TEX11: variants seen among roughly 807,000 people sequenced by gnomAD.
TEX11 encodes testis-expressed protein 11.
TEX11 carries 7 observed loss-of-function variants against 84.4 expected under a neutral mutation model. The ratio of observed to expected loss-of-function variants is 0.08; its 90% CI spans 0.05 to 0.16. TEX11 has a LOEUF of 0.16. Ranked by LOEUF, TEX11 falls within the 10% of genes least tolerant of loss-of-function variation. The pLI, the probability that TEX11 is intolerant of heterozygous loss-of-function variation, is 1.00. For missense variants in TEX11, 551 were observed against 660.5 expected (o/e 0.83, Z 1.82); for synonymous variants, 264 against 222.8 (o/e 1.18, Z -1.64).
rs193300427 is a variant in TEX11, at chrX:70,803,070, C to T, written c.692+3635G>A. 3.3e-4 allele frequency among the ~76,000 whole-genome samples: 37 copies of T among 111,395 alleles called. No individual in the cohort carries two copies. In the Admixed American group the frequency reaches 3.4e-3, roughly 10 times the overall value. Reference sequence around the variant, plus strand: ...ACTTAGCCCTGCCTTCTGCCAGGAGCAGACATAGGAGCTCAGTACTGCAAG... The same window carrying T: ...ACTTAGCCCTGCCTTCTGCCAGGAGTAGACATAGGAGCTCAGTACTGCAAG... On this transcript the variant is annotated intron_variant, in intron 9 of 29. Coordinates refer to ENST00000374333, the MANE Select transcript of TEX11 (RefSeq NM_031276.3).
chrX:70,744,181 G>A lies in TEX11; in HGVS notation c.731C>T (p.Thr244Ile), dbSNP rs762957753. ...YDIGKMDKKSTGPEMLAKVLR... is the reference protein window; with the variant it reads ...YDIGKMDKKSIGPEMLAKVLR... ...GATCCTTACCAGCATTTCTGGCCCA[G>A]TAGATTTCTTATCCATCTTCCCAAT... Residue 244 changes from threonine to isoleucine, a missense_variant, in exon 10 of 30, where the codon ACT becomes ATT. Coordinates refer to ENST00000374333, the MANE Select transcript of TEX11 (RefSeq NM_031276.3). The A allele has an allele frequency of 1.9e-4, 201 of 1,043,583 alleles. No homozygotes were observed. In the Middle Eastern group the frequency reaches 3.2e-3, roughly 17 times the overall value. The allele number at this position is 1,043,583 out of a possible 1,213,427, so 86.0% of individuals were successfully genotyped here.
At chrX:70,781,932 G>C (rs2091041829) in intron 9 of TEX11, among the ~76,000 whole-genome samples, 1 of 111,320 alleles carries the variant, frequency 9.0e-6, no homozygotes, top group African/African-American at 3.3e-5. Context: ...ACCTAGCAAG[G>C]TAGGTGAACA....
intron 9 of TEX11, among the ~76,000 whole-genome samples, chrX:70,757,915 G>T (rs750384507): frequency 9.0e-6 from 1 of 111,285 alleles, no homozygotes; most frequent in East Asian, 2.8e-4. Flanking sequence ...CAAAATAAAG[G>T]GATGGAGGAA....
intron 28 of TEX11, among the ~76,000 whole-genome samples, chrX:70,548,019 C>A (rs1300095641): frequency 8.9e-6 from 1 of 111,844 alleles, no homozygotes; most frequent in African/African-American, 3.3e-5. Context: ...GGAACCAACC[C>A]AAATGTCCAG....
intron 16 of TEX11, among the ~76,000 whole-genome samples, chrX:70,669,491 C>T (rs1029216666): frequency 1.8e-5 from 2 of 112,532 alleles, no homozygotes; most frequent in African/African-American, 6.4e-5. Context: ...AAATGCTAGC[C>T]TGTACAACAT....
At chrX:70,528,620 C>T (rs745934406), downstream of TEX11, among the ~76,000 whole-genome samples, 1 of 110,896 alleles carries the variant, frequency 9.0e-6, no homozygotes, top group East Asian at 2.8e-4. Context: ...GCCACTACGC[C>T]TGGCCTGGAA....
rs141644785 is a variant in TEX11, at chrX:70,668,421, C to T, written c.1380+1956G>A. On this transcript the variant is annotated intron_variant, in intron 16 of 29. Coordinates refer to ENST00000374333, the MANE Select transcript of TEX11 (RefSeq NM_031276.3). ...TATTTTTTTCACCTTTCTGTCTGTCCTAGTGCATAAGAGGATATTCATTGT... is the reference window on the plus strand; with the variant it reads ...TATTTTTTTCACCTTTCTGTCTGTCTTAGTGCATAAGAGGATATTCATTGT... 7.6e-4 allele frequency among the ~76,000 whole-genome samples: 85 copies of T among 111,787 alleles called. No homozygotes were observed. The East Asian group carries it at 0.023, about 30-fold the overall frequency.
At chrX:70,739,953 G>A (rs770849806) in intron 11 of TEX11, among the ~76,000 whole-genome samples, 7 of 111,561 alleles carry the variant, frequency 6.3e-5, no homozygotes, top group South Asian at 3.8e-4. Flanking sequence ...CACCACGCCC[G>A]CTTTGTATTC....
At chrX:70,841,288 C>A (rs1326387398) in intron 7 of TEX11, among the ~76,000 whole-genome samples, 1 of 111,106 alleles carries the variant, frequency 9.0e-6, no homozygotes, top group African/African-American at 3.3e-5. Context: ...GTCTCTCAGA[C>A]CACAGTGCAA....
chrX:70,798,358 C>T (rs2091168248), intron 9 of TEX11, among the ~76,000 whole-genome samples: 1 of 111,174 alleles, frequency 9.0e-6, no homozygotes, highest in Non-Finnish European at 1.9e-5. Context: ...AATAAAGGGA[C>T]AGATATCCTG....
At chrX:70,581,359 C>T (rs1269774652) in intron 25 of TEX11, among the ~76,000 whole-genome samples, 2 of 94,899 alleles carry the variant, frequency 2.1e-5, no homozygotes, top group African/African-American at 8.0e-5. Flanking sequence ...AGTGCAGTGG[C>T]GTGATCTCGG....
At chrX:70,730,360 AT>A (rs2090636822) in intron 11 of TEX11, among the ~76,000 whole-genome samples, 1 of 111,928 alleles carries the variant, frequency 8.9e-6, no homozygotes, top group Non-Finnish European at 1.9e-5. Context: ...AGACTGGCAA[AT>A]TGGATAAAGA....
intron 17 of TEX11, among the ~76,000 whole-genome samples, chrX:70,649,658 C>T (rs2089789180): frequency 8.9e-6 from 1 of 111,804 alleles, no homozygotes; most frequent in African/African-American, 3.3e-5. Flanking sequence ...CCTGTAGTCC[C>T]AGCTATTCAG....
intron 16 of TEX11, among the ~76,000 whole-genome samples, chrX:70,659,452 A>G (rs1387337373): frequency 8.9e-6 from 1 of 112,283 alleles, no homozygotes; most frequent in Admixed American, 9.4e-5. Context: ...ACATGAAAAT[A>G]TGTTCAACAT....
rs765122511 is a variant in TEX11, at chrX:70,661,781, A to T, written c.1380+8596T>A. ...AGGGTCTGGAGTGGACCTCCAGCAA[A>T]CTCCAGCAGACCTGCAGCTGAGGGT... On this transcript the variant is annotated intron_variant, in intron 16 of 29. Coordinates refer to ENST00000374333, the MANE Select transcript of TEX11 (RefSeq NM_031276.3). Among the ~76,000 whole-genome samples, 61 of 111,690 alleles carry T rather than the reference A, an allele frequency of 5.5e-4. 1 individual carries two copies. The highest frequency in any genetic ancestry group is 4.6e-3 in the Middle Eastern group (1 of 219).
At chrX:70,541,476 G>T (rs767702947) in intron 28 of TEX11, among the ~76,000 whole-genome samples, 1 of 111,391 alleles carries the variant, frequency 9.0e-6, no homozygotes, top group African/African-American at 3.3e-5. Flanking sequence ...TTTTGTTATC[G>T]TTGGGGGAAA....
intron 17 of TEX11, among the ~76,000 whole-genome samples, chrX:70,642,260 T>A (rs1056245025): frequency 3.6e-5 from 4 of 111,764 alleles, no homozygotes; most frequent in African/African-American, 1.3e-4. Flanking sequence ...CAGGATCTGA[T>A]ATTGTGGCAA....
chrX:70,825,139 C>T (rs1283871702), intron 8 of TEX11, among the ~76,000 whole-genome samples: 2 of 109,657 alleles, frequency 1.8e-5, no homozygotes, highest in African/African-American at 6.6e-5. Context: ...TGGCGAAACC[C>T]TGTCTCTACT....
chrX:70,611,372 G>C (rs768749825), intron 20 of TEX11, among the ~76,000 whole-genome samples: 4 of 111,846 alleles, frequency 3.6e-5, no homozygotes, highest in South Asian at 7.6e-4. Flanking sequence ...TTCAAAAGTG[G>C]AAACTACCAT....
Sources: gnomAD v4.1 joint callset for allele counts (sites outside exome capture counted in the v4.1 genomes callset) on GRCh38, gnomAD v4.1.1 for gene constraint, MANE v1.5 for transcripts, NCBI Gene and HGNC (gene_info 2026-07-23, HGNC 2026-07-21) for gene names.